Variants in NANS observed in about 807,000 individuals in gnomAD.
NANS encodes N-acetylneuraminate-9-phosphate synthase.
Under a neutral mutation model 33.3 loss-of-function variants are expected in NANS, and 29 were observed. The ratio of observed to expected loss-of-function variants is 0.87; its 90% CI spans 0.65 to 1.19. The LOEUF is 1.19. Ranked by LOEUF, NANS falls within the 50% of genes most tolerant of loss-of-function variation. The pLI, the probability that NANS is intolerant of heterozygous loss-of-function variation, is 0.00. For synonymous variants in NANS, 163 were observed against 177.2 expected (o/e 0.92, Z 0.64); for missense variants, 394 against 461.1 (o/e 0.85, Z 1.33).
intron 2 of NANS, among the ~76,000 whole-genome samples, chr9:98,065,483 A>ATTTTTTTTTTTTTTTTTT (rs397837187): frequency 5.5e-4 from 32 of 58,626 alleles, no homozygotes; most frequent in Admixed American, 8.0e-4. Context: ...TGCCCAGCTA[A>ATTTTTTTTTTTTTTTTTT]TTTTTTTTTT....
At chr9:98,057,033 G>A (rs1489171485) in intron 1 of NANS, 93 bp downstream of exon 1, 1 of 1,419,976 alleles carries the variant, frequency 7.0e-7, no homozygotes, top group East Asian at 2.7e-5. Flanking sequence ...TCCGCGGCTG[G>A]GTACCCTGGT....
rs534303802 is a variant in NANS, at chr9:98,063,137, A to T, written c.348+2140A>T. 9.2e-5 allele frequency among the ~76,000 whole-genome samples: 14 copies of T among 152,040 alleles called. No homozygotes were observed. The South Asian group carries it at 2.7e-3, about 29-fold the overall frequency. On this transcript the variant is annotated intron_variant, in intron 2 of 5. Transcript: ENST00000210444. ...GAGACAGGGTTTCACCATGTTAGCC[A>T]GGCTGATCTCAAACTCCTGACCTCA...
chr9:98,061,199 G>C lies in NANS; in HGVS notation c.348+202G>C. On this transcript the variant is annotated intron_variant, in intron 2 of 5. Coordinates refer to ENST00000210444, the MANE Select transcript of NANS (RefSeq NM_018946.4). ...TTTTAAAAACACATTGTCTCTGGCCGGGCTTGATGGCTCACACCTGTAATC... is the reference window on the plus strand; with the variant it reads ...TTTTAAAAACACATTGTCTCTGGCCCGGCTTGATGGCTCACACCTGTAATC... 3 of 576,686 alleles carry C rather than the reference G, an allele frequency of 5.2e-6. No individual in the cohort carries two copies. The South Asian group carries it at 6.1e-5, about 12-fold the overall frequency. The allele number at this position is 576,686 out of a possible 1,614,324, so 35.7% of individuals were successfully genotyped here.
At chr9:98,072,977 G>T (rs1021323206) in intron 2 of NANS, among the ~76,000 whole-genome samples, 7 of 152,210 alleles carry the variant, frequency 4.6e-5, no homozygotes, top group Non-Finnish European at 4.4e-5. Context: ...AGGGCTTCTG[G>T]TTGAAAGTTG....
At chr9:98,068,777 C>T (rs1443925927) in intron 2 of NANS, among the ~76,000 whole-genome samples, 1 of 150,914 alleles carries the variant, frequency 6.6e-6, no homozygotes, top group African/African-American at 2.4e-5. Flanking sequence ...GCCATGATTG[C>T]ACCAGTGAAC....
chr9:98,059,259 G>A (rs1474169278), intron 1 of NANS, among the ~76,000 whole-genome samples: 2 of 152,144 alleles, frequency 1.3e-5, no homozygotes, highest in Middle Eastern at 6.8e-3. Flanking sequence ...TCCTGACCTC[G>A]TGATCTGCCC....
chr9:98,057,321 C>G (rs979725212), intron 1 of NANS, among the ~76,000 whole-genome samples: 1 of 152,170 alleles, frequency 6.6e-6, no homozygotes, highest in Non-Finnish European at 1.5e-5. Flanking sequence ...CCCCTTCCAG[C>G]CCGTCATAAT....
At chr9:98,067,076 A>G (rs1211140558) in intron 2 of NANS, among the ~76,000 whole-genome samples, 4 of 152,204 alleles carry the variant, frequency 2.6e-5, no homozygotes, top group South Asian at 4.1e-4. Flanking sequence ...GTTGTAGCAT[A>G]TATCAGTACT....
chr9:98,078,934 GATAA>G (rs1314604996), intron 4 of NANS, among the ~76,000 whole-genome samples: 2 of 151,916 alleles, frequency 1.3e-5, no homozygotes, highest in Non-Finnish European at 2.9e-5. Context: ...CTAGCGTACA[GATAA>G]ATATTCATCT....
At chr9:98,073,970 G>GA (rs1413576362) in intron 2 of NANS, among the ~76,000 whole-genome samples, 1 of 151,806 alleles carries the variant, frequency 6.6e-6, no homozygotes, top group Non-Finnish European at 1.5e-5. Flanking sequence ...ATGTTTTGTA[G>GA]AAACGGGATT....
intron 2 of NANS, chr9:98,076,622 G>A (rs1380674971): frequency 1.2e-5 from 4 of 323,324 alleles, no homozygotes; most frequent in East Asian, 9.3e-5. Flanking sequence ...TGATCTGCCC[G>A]CCTCGGCCTC....
At chr9:98,072,839 T>C (rs1310302285) in intron 2 of NANS, among the ~76,000 whole-genome samples, 1 of 152,186 alleles carries the variant, frequency 6.6e-6, no homozygotes, top group East Asian at 1.9e-4. Flanking sequence ...CTACCCTAAC[T>C]TCCTTATAGA....
chr9:98,073,590 C>CT (rs34969073), intron 2 of NANS, among the ~76,000 whole-genome samples: 3,473 of 141,626 alleles, frequency 0.025, 111 homozygotes, highest in African/African-American at 0.075. Context: ...GCCTGGGCTT[C>CT]TTTTTTTTTT....
intron 2 of NANS, among the ~76,000 whole-genome samples, chr9:98,067,049 A>C (rs1222937523): frequency 6.6e-6 from 1 of 152,038 alleles, no homozygotes; most frequent in Non-Finnish European, 1.5e-5. Context: ...TTCATATAAC[A>C]TTGTGTTTTC....
At position 98,080,850 on chromosome 9, in the gene NANS, G is replaced by T. The variant is rs1829820996; in HGVS notation, c.638G>T (p.Gly213Val). The T allele has an allele frequency of 6.2e-7, 1 of 1,607,904 alleles. No individual in the cohort carries two copies. The highest frequency in any genetic ancestry group is 8.5e-7 in the Non-Finnish European group (1 of 1,175,300). The change falls in exon 5 of 6, where the codon GGG (glycine) becomes GTG (valine). Residue 213 changes from glycine (G) to valine (V), a missense_variant. Coordinates refer to ENST00000210444, the MANE Select transcript of NANS (RefSeq NM_018946.4). ...YQKLFPDIPIGYSGHETGIAI... is the reference protein window; with the variant it reads ...YQKLFPDIPIVYSGHETGIAI... ...AAGCTCTTTCCTGACATTCCCATAG[G>T]GTATTCTGGGCATGAAACAGGCATA...
intron 4 of NANS, among the ~76,000 whole-genome samples, chr9:98,078,909 A>C (rs1002916118): frequency 6.6e-6 from 1 of 151,602 alleles, no homozygotes; most frequent in Non-Finnish European, 1.5e-5. Context: ...ATTGTGAATG[A>C]TGCTGCTATG....
chr9:98,078,563 C>T (rs571727783), intron 4 of NANS, among the ~76,000 whole-genome samples: 4 of 152,052 alleles, frequency 2.6e-5, no homozygotes, highest in African/African-American at 4.8e-5. Context: ...TGGCCAGGCG[C>T]GGTGGGTCAT....
intron 1 of NANS, among the ~76,000 whole-genome samples, chr9:98,060,409 C>T (rs1828939874): frequency 6.6e-6 from 1 of 152,196 alleles, no homozygotes; most frequent in Non-Finnish European, 1.5e-5. Flanking sequence ...TGACTCATGC[C>T]TGTAATCCCA....
chr9:98,062,039 C>G (rs1828998508), intron 2 of NANS, among the ~76,000 whole-genome samples: 1 of 151,560 alleles, frequency 6.6e-6, no homozygotes, highest in South Asian at 2.1e-4. Context: ...GTGGGCAACA[C>G]AGGGAGACCC....
Sources: gnomAD v4.1 joint callset for allele counts (sites outside exome capture counted in the v4.1 genomes callset) on GRCh38, gnomAD v4.1.1 for gene constraint, MANE v1.5 for transcripts, NCBI Gene and HGNC (gene_info 2026-07-23, HGNC 2026-07-21) for gene names.